CNTNAP5: variants seen among roughly 807,000 people sequenced by gnomAD.
CNTNAP5 encodes the protein contactin-associated protein-like 5.
A neutral mutation model predicts 150.2 loss-of-function variants in CNTNAP5; 72 were observed. The ratio of observed to expected loss-of-function variants is 0.48; its 90% CI spans 0.40 to 0.58. The LOEUF (loss-of-function observed/expected upper bound fraction) is 0.58, where lower values mean the gene tolerates loss of function less well. Among genes scored for constraint, CNTNAP5 ranks in the 20% least tolerant of loss-of-function variants. CNTNAP5 has a pLI of 0.00. For missense variants in CNTNAP5, 1,636 were observed against 1,626.2 expected (o/e 1.01, Z -0.10); for synonymous variants, 672 against 619.8 (o/e 1.08, Z -1.25).
At chr2:124,791,193 A>T (rs1681720253) in intron 18 of CNTNAP5, among the ~76,000 whole-genome samples, 1 of 152,200 alleles carries the variant, frequency 6.6e-6, no homozygotes, top group Non-Finnish European at 1.5e-5. Context: ...CAAAAGGGAA[A>T]AAAAGCACTC....
intron 11 of CNTNAP5, among the ~76,000 whole-genome samples, chr2:124,600,216 G>A (rs1490647408): frequency 1.3e-5 from 2 of 151,168 alleles, no homozygotes; most frequent in Non-Finnish European, 2.9e-5. Context: ...ATTTTTTAAT[G>A]GCTCTGTAAG....
chr2:124,358,989 A>T (rs1461912775), intron 3 of CNTNAP5, among the ~76,000 whole-genome samples: 26 of 149,698 alleles, frequency 1.7e-4, no homozygotes, highest in Non-Finnish European at 2.7e-4. Flanking sequence ...AGCTCCTGTT[A>T]TTGGTCTATT....
intron 11 of CNTNAP5, among the ~76,000 whole-genome samples, chr2:124,564,673 T>C (rs1695972389): frequency 1.3e-5 from 2 of 152,106 alleles, no homozygotes; most frequent in African/African-American, 4.8e-5. Context: ...TTTTTATAAT[T>C]GTATAGTCTT....
In CNTNAP5 at chr2:124,094,500, T is replaced by G. The variant is rs550998194; in HGVS notation, c.82+68768T>G. 2.6e-5 allele frequency among the ~76,000 whole-genome samples: 4 copies of G among 152,322 alleles called. No individual in the cohort carries two copies. The South Asian group carries it at 6.2e-4, about 24-fold the overall frequency. ...AGATTTGTCTAATACATTTATAGAT[T>G]TGTCTAATACATATATATGTCTAAT... is the stretch of plus-strand genomic sequence containing the variant. On this transcript the variant is annotated intron_variant, in intron 1 of 23. Transcript: ENST00000682447.
chr2:124,275,636 C>G (rs1271514263), intron 3 of CNTNAP5, among the ~76,000 whole-genome samples: 2 of 152,102 alleles, frequency 1.3e-5, no homozygotes, highest in African/African-American at 4.8e-5. Flanking sequence ...CTCTAATCCC[C>G]CTTCCAATGG....
intron 7 of CNTNAP5, among the ~76,000 whole-genome samples, chr2:124,502,357 C>T (rs558115487): frequency 2.6e-5 from 4 of 152,266 alleles, no homozygotes; most frequent in African/African-American, 7.2e-5. Context: ...CCTCCACTGT[C>T]CTGAAGCCGC....
intron 13 of CNTNAP5, among the ~76,000 whole-genome samples, chr2:124,674,337 TTCCC>T (rs1178287780): frequency 2.0e-5 from 3 of 148,684 alleles, no homozygotes; most frequent in Admixed American, 6.7e-5. Context: ...CCTTCCCTCC[TTCCC>T]TCCCTCCCTC....
At chr2:124,852,278 G>A (rs934334180) in intron 19 of CNTNAP5, among the ~76,000 whole-genome samples, 1 of 152,192 alleles carries the variant, frequency 6.6e-6, no homozygotes, top group African/African-American at 2.4e-5. Context: ...TGAAGTGGGT[G>A]TGCATGGATA....
intron 1 of CNTNAP5, among the ~76,000 whole-genome samples, chr2:124,131,711 T>C (rs1036253464): frequency 1.3e-5 from 2 of 152,170 alleles, no homozygotes; most frequent in Non-Finnish European, 2.9e-5. Flanking sequence ...ATGGTTTCTA[T>C]ACAAGAGCTA....
intron 3 of CNTNAP5, among the ~76,000 whole-genome samples, chr2:124,341,046 C>G (rs1689602816): frequency 6.6e-6 from 1 of 151,692 alleles, no homozygotes; most frequent in South Asian, 2.1e-4. Context: ...CCACTGCACT[C>G]CAGTTTAGGT....
chr2:124,564,364 A>AT (rs1695963448), intron 11 of CNTNAP5, among the ~76,000 whole-genome samples: 4 of 152,072 alleles, frequency 2.6e-5, no homozygotes, highest in Admixed American at 2.6e-4. Flanking sequence ...TTATTTATTT[A>AT]TTTTTTGAGA....
intron 13 of CNTNAP5, among the ~76,000 whole-genome samples, chr2:124,661,837 T>C (rs975829227): frequency 3.3e-5 from 5 of 151,386 alleles, no homozygotes; most frequent in Non-Finnish European, 7.4e-5. Flanking sequence ...TAATCTTTTA[T>C]AAATTTTATA....
At chr2:124,714,805 T>A (rs999765134) in intron 13 of CNTNAP5, among the ~76,000 whole-genome samples, 4 of 152,030 alleles carry the variant, frequency 2.6e-5, no homozygotes, top group African/African-American at 4.8e-5. Flanking sequence ...ACATATACAT[T>A]TTTTACTTGC....
intron 17 of CNTNAP5, chr2:124,778,747 C>G (rs1365436716): frequency 1.3e-5 from 2 of 151,834 alleles, no homozygotes; most frequent in Non-Finnish European, 2.9e-5. Flanking sequence ...GTTGTAAAGC[C>G]ATTCAAAAAT....
chr2:124,471,241 T>C (rs1258343740), intron 6 of CNTNAP5, among the ~76,000 whole-genome samples: 1 of 152,028 alleles, frequency 6.6e-6, no homozygotes, highest in African/African-American at 2.4e-5. Context: ...CTTCGATCTA[T>C]TTGAGCAGGG....
intron 1 of CNTNAP5, among the ~76,000 whole-genome samples, chr2:124,132,547 T>C (rs985810528): frequency 1.3e-5 from 2 of 152,184 alleles, no homozygotes; most frequent in African/African-American, 2.4e-5. Flanking sequence ...ATTTTACAGA[T>C]CAGCAATTTA....
At chr2:124,431,573 CATTATATATAATTTCTTTATATAAACATT>C (rs1692385204) in intron 4 of CNTNAP5, among the ~76,000 whole-genome samples, 1 of 131,998 alleles carries the variant, frequency 7.6e-6, no homozygotes, top group Non-Finnish European at 1.6e-5. Context: ...TTTATATAAA[CATTATATATAATTTCTTTATATAAACATT>C]ATATATAATT....
At chr2:124,904,057 AAAAAAAAC>A (rs1678476219) in intron 22 of CNTNAP5, among the ~76,000 whole-genome samples, 2 of 146,470 alleles carry the variant, frequency 1.4e-5, no homozygotes, top group African/African-American at 5.3e-5. Flanking sequence ...CTGTTTCAAA[AAAAAAAAC>A]AAAAAAAAAA....
chr2:124,125,730 A>G (rs1018981588), intron 1 of CNTNAP5, among the ~76,000 whole-genome samples: 5 of 152,210 alleles, frequency 3.3e-5, no homozygotes, highest in Non-Finnish European at 5.9e-5. Flanking sequence ...ATCACAGTGC[A>G]ATGAAACTAG....
Sources: allele counts gnomAD v4.1 joint callset (sites outside exome capture counted in the v4.1 genomes callset), GRCh38; gene constraint gnomAD v4.1.1; transcripts MANE v1.5; gene names NCBI Gene and HGNC (gene_info 2026-07-23, HGNC 2026-07-21).